The following DOK5 variants were observed in gnomAD, a reference collection of about 807,000 sequenced individuals.
DOK5 encodes the protein docking protein 5.
A neutral mutation model predicts 43.3 loss-of-function variants in DOK5; 27 were observed. The ratio of observed to expected loss-of-function variants is 0.62; its 90% CI spans 0.46 to 0.86. The LOEUF (loss-of-function observed/expected upper bound fraction) is 0.86. Among genes scored for constraint, DOK5 ranks in the 40% least tolerant of loss-of-function variants. DOK5 has a pLI of 0.00. For synonymous variants in DOK5, 146 were observed against 140.1 expected, an observed-to-expected ratio of 1.04 and a Z score of -0.30; for missense variants, 373 against 392.9, an observed-to-expected ratio of 0.95 and a Z score of 0.43.
intron 1 of DOK5, among the ~76,000 whole-genome samples, chr20:54,504,205 A>G (rs1050533972): frequency 6.6e-6 from 1 of 152,058 alleles, no homozygotes; most frequent in Non-Finnish European, 1.5e-5. Context: ...ACCTTCCCAC[A>G]TCCTACAATA....
At chr20:54,601,961 A>T (rs1338564999) in intron 5 of DOK5, among the ~76,000 whole-genome samples, 1 of 152,054 alleles carries the variant, frequency 6.6e-6, no homozygotes, top group Non-Finnish European at 1.5e-5. Flanking sequence ...TCACCCACCC[A>T]TGAGCCTCCA....
At chr20:54,531,192 C>T (rs187560774) in intron 1 of DOK5, among the ~76,000 whole-genome samples, 18 of 152,270 alleles carry the variant, frequency 1.2e-4, no homozygotes, top group African/African-American at 2.2e-4. Flanking sequence ...ATATTCTGAA[C>T]GTTTGTTAGT....
intron 1 of DOK5, among the ~76,000 whole-genome samples, chr20:54,534,410 A>T (rs1983883312): frequency 6.6e-6 from 1 of 152,142 alleles, no homozygotes; most frequent in Non-Finnish European, 1.5e-5. Flanking sequence ...GCTGGTCTTG[A>T]ATTCCTGGGC....
At chr20:54,647,727 G>A (rs207477647) in intron 7 of DOK5, among the ~76,000 whole-genome samples, 16 of 152,110 alleles carry the variant, frequency 1.1e-4, no homozygotes, top group Non-Finnish European at 1.9e-4. Context: ...GCGTCTGGGG[G>A]AAATGCTACA....
At position 54,650,630 on chromosome 20, in the gene DOK5, C is replaced by A. The variant is rs1600770580; in HGVS notation, c.*151C>A. The A allele has an allele frequency of 2.0e-5, 12 of 594,690 alleles. No individual in the cohort carries two copies. Among genetic ancestry groups the A allele is most frequent in the Non-Finnish European group, 3.1e-5 (11 of 352,520 alleles). The allele number at this position is 594,690 out of a possible 1,614,324, so 36.8% of individuals were successfully genotyped here. ...GTGGTCATTGGAAAACTCTGCAATACAATAATTTTCTTTATTTTCTTTTTC... is the reference window on the plus strand; with the variant it reads ...GTGGTCATTGGAAAACTCTGCAATAAAATAATTTTCTTTATTTTCTTTTTC... On this transcript the variant is annotated 3_prime_UTR_variant, in exon 8 of 8. Coordinates refer to ENST00000262593, the MANE Select transcript of DOK5 (RefSeq NM_018431.5).
intron 1 of DOK5, among the ~76,000 whole-genome samples, chr20:54,492,545 G>A (rs889248002): frequency 2.0e-5 from 3 of 152,058 alleles, no homozygotes; most frequent in African/African-American, 7.2e-5. Context: ...ACATGATACT[G>A]TATTTCTAAG....
At chr20:54,513,098 G>A (rs1221859224) in intron 1 of DOK5, among the ~76,000 whole-genome samples, 1 of 152,054 alleles carries the variant, frequency 6.6e-6, no homozygotes, top group Non-Finnish European at 1.5e-5. Context: ...TAGGGCTTCT[G>A]GTGAAGCCCT....
chr20:54,574,092 G>C (rs1985380372), intron 2 of DOK5, among the ~76,000 whole-genome samples: 1 of 152,182 alleles, frequency 6.6e-6, no homozygotes. Flanking sequence ...CTCCAGGAAA[G>C]GCGAGCCGGA....
At chr20:54,632,033 A>T (rs959237853) in intron 6 of DOK5, among the ~76,000 whole-genome samples, 6 of 152,000 alleles carry the variant, frequency 3.9e-5, no homozygotes, top group African/African-American at 9.7e-5. Flanking sequence ...AAAAACATGG[A>T]CCCCTCCCCG....
intron 2 of DOK5, among the ~76,000 whole-genome samples, chr20:54,572,356 G>A (rs1389427495): frequency 2.0e-5 from 3 of 151,880 alleles, no homozygotes; most frequent in African/African-American, 4.8e-5. Context: ...TAGAGACAGG[G>A]TTTCACCATG....
chr20:54,487,319 C>T (rs56370389), intron 1 of DOK5, among the ~76,000 whole-genome samples: 9,595 of 152,206 alleles, frequency 0.063, 374 homozygotes, highest in Non-Finnish European at 0.088. Context: ...GTGTTCAGCT[C>T]ACAGCGTCAT....
At chr20:54,599,948 A>AGATT in intron 5 of DOK5, among the ~76,000 whole-genome samples, 1 of 152,344 alleles carries the variant, frequency 6.6e-6, no homozygotes, top group South Asian at 2.1e-4. Flanking sequence ...AATAGATGTT[A>AGATT]GATTGAGTCC....
At chr20:54,577,120 T>C (rs1985479391) in intron 2 of DOK5, among the ~76,000 whole-genome samples, 1 of 152,242 alleles carries the variant, frequency 6.6e-6, no homozygotes, top group Admixed American at 6.5e-5. Flanking sequence ...AGTTCTAGAT[T>C]TGAGTATGGC....
intron 6 of DOK5, among the ~76,000 whole-genome samples, chr20:54,635,729 C>T (rs1033961815): frequency 6.6e-6 from 1 of 152,174 alleles, no homozygotes; most frequent in Non-Finnish European, 1.5e-5. Context: ...GGGGCTTTGT[C>T]AATGGGCTAT....
intron 2 of DOK5, among the ~76,000 whole-genome samples, chr20:54,578,898 A>G (rs1032882255): frequency 1.3e-5 from 2 of 152,332 alleles, no homozygotes; most frequent in African/African-American, 2.4e-5. Flanking sequence ...TCTTTAAGAT[A>G]TCAAATGGGA....
intron 7 of DOK5, among the ~76,000 whole-genome samples, chr20:54,648,147 A>C (rs1359757502): frequency 1.3e-5 from 2 of 152,180 alleles, no homozygotes; most frequent in Admixed American, 6.5e-5. Flanking sequence ...CCTATCTAGT[A>C]AGTAACAAAG....
rs564527336 is a variant in DOK5, at chr20:54,632,843, AAGGCGGGTGGAGCACCTG to A, written c.736-10611_736-10594del. Among the ~76,000 whole-genome samples, 1,105 of 152,264 alleles carry A rather than the reference AAGGCGGGTGGAGCACCTG, an allele frequency of 7.3e-3. 11 individuals are homozygous for A. The highest frequency in any genetic ancestry group is 0.025 in the African/African-American group (1,035 of 41,560). Reference sequence around the variant, plus strand: ...TGGAATCCCAGCACTTTGGGAGGCCAAGGCGGGTGGAGCACCTGAGGTCAGGAGTTTGAGACCAGCCTG... The same window carrying A: ...TGGAATCCCAGCACTTTGGGAGGCCAAGGTCAGGAGTTTGAGACCAGCCTG... On this transcript the variant is annotated intron_variant, in intron 6 of 7. Coordinates refer to ENST00000262593, the MANE Select transcript of DOK5 (RefSeq NM_018431.5).
At chr20:54,501,228 G>A (rs1463807284) in intron 1 of DOK5, among the ~76,000 whole-genome samples, 1 of 151,844 alleles carries the variant, frequency 6.6e-6, no homozygotes, top group South Asian at 2.1e-4. Flanking sequence ...AGCACTTTGG[G>A]AGGCCAAGGC....
intron 1 of DOK5, among the ~76,000 whole-genome samples, chr20:54,528,964 G>T (rs945157410): frequency 6.6e-6 from 1 of 152,164 alleles, no homozygotes; most frequent in East Asian, 1.9e-4. Flanking sequence ...TCTCTATCTT[G>T]CTTGGACCTA....
Sources: gnomAD v4.1 joint callset for allele counts (sites outside exome capture counted in the v4.1 genomes callset) on GRCh38, gnomAD v4.1.1 for gene constraint, MANE v1.5 for transcripts, NCBI Gene and HGNC (gene_info 2026-07-23, HGNC 2026-07-21) for gene names.